The following ILF2 variants were observed in gnomAD, a reference collection of about 807,000 sequenced individuals.
ILF2 encodes the protein interleukin enhancer-binding factor 2.
A neutral mutation model predicts 55.3 loss-of-function variants in ILF2; 9 were observed. That is an observed-to-expected ratio of 0.16 (90% CI 0.10 to 0.28). The LOEUF is 0.28. Among genes scored for constraint, ILF2 ranks in the 10% least tolerant of loss-of-function variants. ILF2 has a pLI of 1.00. For synonymous variants in ILF2, 151 were observed against 161.8 expected (o/e 0.93, Z 0.50); for missense variants, 266 against 474.9 (o/e 0.56, Z 4.09).
chr1:153,669,538 C>T (rs544713630), intron 3 of ILF2, among the ~76,000 whole-genome samples: 41 of 152,076 alleles, frequency 2.7e-4, no homozygotes, highest in African/African-American at 8.9e-4. Flanking sequence ...GCAACCTCCG[C>T]GTCCCGGGTT....
At chr1:153,669,722 G>C in intron 3 of ILF2, 114 bp downstream of exon 3, 1 of 873,342 alleles carries the variant, frequency 1.1e-6, no homozygotes, top group Non-Finnish European at 1.9e-6. Flanking sequence ...GATTACAGGC[G>C]TGAGGCACTG....
chr1:153,663,397 T>C (rs1468942424), intron 10 of ILF2, 121 bp from the exon 11 acceptor site: 1 of 890,766 alleles, frequency 1.1e-6, no homozygotes, highest in Non-Finnish European at 1.8e-6. Context: ...GGCGCAATCA[T>C]AGTTCACTGT....
chr1:153,663,836 C>CT (rs113615012), intron 10 of ILF2, among the ~76,000 whole-genome samples: 11 of 145,584 alleles, frequency 7.6e-5, no homozygotes, highest in Non-Finnish European at 1.1e-4. Flanking sequence ...TGAATTTTTT[C>CT]TTTTTTTTTA....
chr1:153,662,869 G>GA (rs1669207165), intron 12 of ILF2, 74 bp from the exon 13 acceptor site: 10 of 1,400,270 alleles, frequency 7.1e-6, no homozygotes, highest in Admixed American at 1.8e-5. Context: ...TCTGAAAACA[G>GA]AGATTAAGAC....
chr1:153,663,094 T>C lies in ILF2; in HGVS notation c.846A>G (p.Pro282=). Residue 282 remains proline (P), a synonymous_variant, in exon 12 of 14, where the codon CCA becomes CCG. Coordinates refer to ENST00000361891, the MANE Select transcript of ILF2 (RefSeq NM_004515.4). Reference sequence around the variant, plus strand: ...AGGGGTCAGTGATACCCACTGAACCTGGCAGGAACAGTCCTGCAGCCAGAA... The same window carrying C: ...AGGGGTCAGTGATACCCACTGAACCCGGCAGGAACAGTCCTGCAGCCAGAA... ...LQILAAGLFL[P]GSVGITDPCE... is the part of the protein sequence containing the mutation. 1 of 1,614,156 alleles carries C rather than the reference T, an allele frequency of 6.2e-7. No individual in the cohort carries two copies. Among genetic ancestry groups the C allele is most frequent in the Non-Finnish European group, 8.5e-7 (1 of 1,180,016 alleles).
Position 153,670,950 on chromosome 1 carries a change from C to T in ILF2, c.-28G>A, listed in dbSNP as rs751877993. The T allele has an allele frequency of 1.2e-6, 2 of 1,614,158 alleles. No homozygotes were observed. The highest frequency in any genetic ancestry group is 1.7e-6 in the Non-Finnish European group (2 of 1,179,984). On this transcript the variant is annotated 5_prime_UTR_variant, in exon 1 of 14. Transcript: ENST00000361891. ...CGCCTTAAAACACGAACAATGGAGG[C>T]CGCACCAACCGCCCCTTCCTCTGAG...
At chr1:153,667,515 G>T in intron 6 of ILF2, 40 bp downstream of exon 6, 1 of 1,337,318 alleles carries the variant, frequency 7.5e-7, no homozygotes, top group Non-Finnish European at 1.1e-6. Flanking sequence ...TAATCCAAGT[G>T]CTATGTTCTG....
chr1:153,669,959 C>T lies in ILF2; in HGVS notation c.66-81G>A. On this transcript the variant is annotated intron_variant, in intron 2 of 13. Transcript: ENST00000361891. ...AATAACACGCCAACAATTTTGAAAA[C>T]ATGTCAGTCCTCAGAATGAGTGACA... is the stretch of plus-strand genomic sequence containing the variant. The T allele has an allele frequency of 8.0e-6, 10 of 1,250,300 alleles. No homozygotes were observed. In the South Asian group the frequency reaches 1.2e-4, roughly 15 times the overall value. 77.5% of individuals were successfully genotyped at this position (1,250,300 alleles called of 1,614,324 possible).
In ILF2 at chr1:153,668,389, T is replaced by C. The variant is rs561033251; in HGVS notation, c.213+64A>G. Reference sequence around the variant, plus strand: ...CACCATTCTTAACCTTACCAACAGTTACTCTTTACCAATACTTTTAACTGC... The same window carrying C: ...CACCATTCTTAACCTTACCAACAGTCACTCTTTACCAATACTTTTAACTGC... On this transcript the variant is annotated intron_variant, in intron 4 of 13. Coordinates refer to ENST00000361891, the MANE Select transcript of ILF2 (RefSeq NM_004515.4). 3.3e-4 allele frequency: 525 copies of C among 1,585,978 alleles called. 3 individuals carry two copies. In the African/African-American group the frequency reaches 6.6e-3, roughly 20 times the overall value.
At chr1:153,668,582 T>C (rs114292408) in intron 3 of ILF2, 25 bp from the exon 4 acceptor site, 19,697 of 1,597,730 alleles carry the variant, frequency 0.012, 190 homozygotes, top group Middle Eastern at 0.02. Context: ...AACAACTACA[T>C]TCTATTTGCC....
rs149003136 is a variant in ILF2, at chr1:153,667,215, C to T, written c.394+340G>A. On this transcript the variant is annotated intron_variant, in intron 6 of 13. Transcript: ENST00000361891. ...CGTAAGGGCTGGGCACAGTGGCTCA[C>T]GCCTGTAATCCCAGCACTTTGGGAG... 9.5e-4 allele frequency: 390 copies of T among 411,446 alleles called. 3 individuals carry two copies. The highest frequency in any genetic ancestry group is 7.0e-3 in the African/African-American group (346 of 49,636). The allele number at this position is 411,446 out of a possible 1,614,324, so 25.5% of individuals were successfully genotyped here.
In ILF2 at chr1:153,663,177, T is replaced by C. The variant is rs749488031; in HGVS notation, c.806+38A>G. On this transcript the variant is annotated intron_variant, in intron 11 of 13. Coordinates refer to ENST00000361891, the MANE Select transcript of ILF2 (RefSeq NM_004515.4). ...TGAGGTATTAAAGGAATGCACAAAATAGTTTACAACCAACCCTAAACCCAA... is the reference window on the plus strand; with the variant it reads ...TGAGGTATTAAAGGAATGCACAAAACAGTTTACAACCAACCCTAAACCCAA... 50 of 1,613,780 alleles carry C rather than the reference T, an allele frequency of 3.1e-5. No homozygotes were observed. In the Admixed American group the frequency reaches 4.5e-4, roughly 15 times the overall value.
intron 2 of ILF2, 80 bp downstream of exon 2, chr1:153,670,091 T>A: frequency 1.4e-6 from 2 of 1,436,402 alleles, no homozygotes; most frequent in South Asian, 2.3e-5. Context: ...CAAGTGACAT[T>A]AGTCTACTCT....
At position 153,664,054 on chromosome 1, in the gene ILF2, G is replaced by A; in HGVS notation, c.733C>T (p.Leu245Phe). 1 of 1,610,906 alleles carries A rather than the reference G, an allele frequency of 6.2e-7. No homozygotes were observed. Reference sequence around the variant, plus strand: ...CCATCTTTACTTACTAGTAGGTCAAGGATCCAGGGTGTGAGGGGCTCAAAG... The same window carrying A: ...CCATCTTTACTTACTAGTAGGTCAAAGATCCAGGGTGTGAGGGGCTCAAAG... ...PGFEPLTPWI[L>F]DLLGHYAVMN... is the part of the protein sequence containing the mutation. The change falls in exon 10 of 14, where the codon CTT becomes TTT. Residue 245 changes from leucine (L) to phenylalanine (F), a missense_variant. Physicochemically the swap from Leu to Phe is conservative, Grantham distance 22. Transcript: ENST00000361891.
intron 3 of ILF2, among the ~76,000 whole-genome samples, 166 bp downstream of exon 3, chr1:153,669,670 A>T (rs1403296780): frequency 1.3e-5 from 2 of 152,086 alleles, no homozygotes; most frequent in Non-Finnish European, 2.9e-5. Context: ...CAAACTCCTG[A>T]CCTTCAGGTA....
At position 153,665,341 on chromosome 1, in the gene ILF2, AAAAAC is replaced by A; in HGVS notation, c.461-10_461-6del. Reference sequence around the variant, plus strand: ...CGTTGGTCAGCATGGTTAAAACTGAAAAAACAGAATAAACAAAAACTATAACTCAC... The same window carrying A: ...CGTTGGTCAGCATGGTTAAAACTGAAAGAATAAACAAAAACTATAACTCAC... On this transcript the variant is annotated splice_polypyrimidine_tract_variant and splice_region_variant and intron_variant, in intron 7 of 13. Transcript: ENST00000361891. 6.4e-7 allele frequency: 1 copy of A among 1,564,224 alleles called. No individual in the cohort carries two copies. Among genetic ancestry groups the A allele is most frequent in the Non-Finnish European group, 8.8e-7 (1 of 1,135,044 alleles).
rs1460246554 is a variant in ILF2, at chr1:153,662,732, T to C, written c.985A>G (p.Ile329Val). Residue 329 changes from isoleucine to valine, a missense_variant, in exon 13 of 14, where the codon ATC becomes GTC. Ile to Val is a conservative substitution (Grantham distance 29). Coordinates refer to ENST00000361891, the MANE Select transcript of ILF2 (RefSeq NM_004515.4). Reference protein sequence around the residue: ...RILSHGGFRKILGQEGDASYL... With the variant: ...RILSHGGFRKVLGQEGDASYL... ...CTGGCATCACCCTCCTGGCCAAGGATCTTCCTAAAGCCACCATGTGAGAGG... is the reference window on the plus strand; with the variant it reads ...CTGGCATCACCCTCCTGGCCAAGGACCTTCCTAAAGCCACCATGTGAGAGG... 6.2e-7 allele frequency: 1 copy of C among 1,614,034 alleles called. No homozygotes were observed. The highest frequency in any genetic ancestry group is 8.5e-7 in the Non-Finnish European group (1 of 1,180,022).
intron 6 of ILF2, 108 bp downstream of exon 6, chr1:153,667,447 C>T: frequency 1.2e-6 from 1 of 805,016 alleles, no homozygotes; most frequent in Non-Finnish European, 2.2e-6. Context: ...CCACTGCACT[C>T]CAGCCTGGCC....
chr1:153,669,812 G>T, intron 3 of ILF2, 24 bp downstream of exon 3: 3 of 1,582,650 alleles, frequency 1.9e-6, no homozygotes, highest in Non-Finnish European at 2.6e-6. Context: ...CAGAAAATGT[G>T]TATCATTAAC....
Sources: gnomAD v4.1 joint callset for allele counts (sites outside exome capture counted in the v4.1 genomes callset) on GRCh38, gnomAD v4.1.1 for gene constraint, MANE v1.5 for transcripts, NCBI Gene and HGNC (gene_info 2026-07-23, HGNC 2026-07-21) for gene names.